Variants in MYH10 observed in about 807,000 individuals in gnomAD.
MYH10 encodes the protein myosin heavy chain 10.
Under a neutral mutation model 257.8 loss-of-function variants are expected in MYH10, and 55 were observed. That is an observed-to-expected ratio of 0.21 (90% CI 0.17 to 0.27). The LOEUF is 0.27. Ranked by LOEUF, MYH10 falls within the 10% of genes least tolerant of loss-of-function variation. The pLI is 1.00. For missense variants in MYH10, 1,631 were observed against 2,500.6 expected (o/e 0.65, Z 7.42); for synonymous variants, 854 against 921.7 (o/e 0.93, Z 1.33).
chr17:8,630,364 G>A (rs1366607450), intron 1 of MYH10, among the ~76,000 whole-genome samples: 1 of 138,314 alleles, frequency 7.2e-6, no homozygotes, highest in East Asian at 2.1e-4. Context: ...CCTGACCCCC[G>A]CGGGTTTCAC....
intron 6 of MYH10, among the ~76,000 whole-genome samples, chr17:8,571,223 G>A (rs1233865628): frequency 2.1e-5 from 3 of 141,672 alleles, no homozygotes; most frequent in Non-Finnish European, 4.5e-5. Flanking sequence ...CGCCCAGGCT[G>A]GAGTGCAGTG....
chr17:8,500,542 C>T (rs1475501874), intron 29 of MYH10, among the ~76,000 whole-genome samples: 5 of 152,144 alleles, frequency 3.3e-5, no homozygotes, highest in African/African-American at 9.7e-5. Flanking sequence ...TTGAGTGAAG[C>T]CACTGGGAGA....
At chr17:8,547,112 G>A (rs866142000) in intron 11 of MYH10, among the ~76,000 whole-genome samples, 2 of 152,070 alleles carry the variant, frequency 1.3e-5, no homozygotes, top group Non-Finnish European at 2.9e-5. Context: ...GTAGACAACC[G>A]ACGGGCATAG....
intron 42 of MYH10, 121 bp downstream of exon 42, chr17:8,476,755 G>A (rs1401552220): frequency 1.9e-5 from 21 of 1,103,326 alleles, no homozygotes; most frequent in African/African-American, 3.1e-5. Flanking sequence ...GAAGTGGTTC[G>A]GGAGAAAGAA....
In MYH10 at chr17:8,604,813, T is replaced by C. The variant is rs756599407; in HGVS notation, c.502+13A>G. On this transcript the variant is annotated intron_variant, in intron 3 of 42. Coordinates refer to ENST00000360416, the MANE Select transcript of MYH10 (RefSeq NM_001256012.3). ...AAATTCTGAGCATTTAGTATTCAAA[T>C]ATTTCCAATTACCTTGAAGCATGCA... 2 of 1,457,318 alleles carry C rather than the reference T, an allele frequency of 1.4e-6. No homozygotes were observed. The highest frequency in any genetic ancestry group is 3.3e-5 in the South Asian group (2 of 60,946). The allele number at this position is 1,457,318 out of a possible 1,614,324, so 90.3% of individuals were successfully genotyped here.
chr17:8,565,071 A>T (rs1192938416), intron 7 of MYH10, among the ~76,000 whole-genome samples: 1 of 152,148 alleles, frequency 6.6e-6, no homozygotes, highest in Non-Finnish European at 1.5e-5. Flanking sequence ...TTTAAGTTTA[A>T]CCAACTGGGT....
intron 36 of MYH10, among the ~76,000 whole-genome samples, chr17:8,486,719 C>T (rs1792965934): frequency 7.3e-6 from 1 of 136,086 alleles, no homozygotes; most frequent in Non-Finnish European, 1.6e-5. Flanking sequence ...TCAAACCGTC[C>T]TACACCATAT....
At chr17:8,628,223 T>A (rs1029810656) in intron 1 of MYH10, among the ~76,000 whole-genome samples, 2 of 152,170 alleles carry the variant, frequency 1.3e-5, no homozygotes, top group African/African-American at 4.8e-5. Flanking sequence ...TGAGGGTTAT[T>A]AGTGTCATTT....
At chr17:8,497,997 T>TTG (rs1270187132) in intron 30 of MYH10, among the ~76,000 whole-genome samples, 1 of 146,706 alleles carries the variant, frequency 6.8e-6, no homozygotes, top group Non-Finnish European at 1.5e-5. Flanking sequence ...TTTTTTTTTT[T>TTG]TTGAGACAGA....
Position 8,477,164 on chromosome 17 carries a change from T to G in MYH10, c.5707-116A>C. ...CCTGTTACCCTTGTGAGCACGCGTG[T>G]ACACGGATGTACACGCGTGCCTGGG... On this transcript the variant is annotated intron_variant, in intron 41 of 42. Coordinates refer to ENST00000360416, the MANE Select transcript of MYH10 (RefSeq NM_001256012.3). This position sits in a 1 kb window ranked among gnomAD's most constrained non-coding sequence, Gnocchi z 4.2. 1 of 1,054,502 alleles carries G rather than the reference T, an allele frequency of 9.5e-7. No homozygotes were observed. Among genetic ancestry groups the G allele is most frequent in the Non-Finnish European group, 1.4e-6 (1 of 736,440 alleles). 65.3% of individuals were successfully genotyped at this position (1,054,502 alleles called of 1,614,324 possible).
At chr17:8,526,828 T>C (rs2081862870) in intron 17 of MYH10, among the ~76,000 whole-genome samples, 1 of 152,194 alleles carries the variant, frequency 6.6e-6, no homozygotes, top group Non-Finnish European at 1.5e-5. Flanking sequence ...AAATTTACTT[T>C]CAAGTATTTA....
Position 8,492,478 on chromosome 17 carries a change from C to T in MYH10, c.4490G>A (p.Arg1497His), listed in dbSNP as rs1316635911. 7.4e-6 allele frequency: 12 copies of T among 1,612,058 alleles called. No homozygotes were observed. The highest frequency in any genetic ancestry group is 2.2e-5 in the East Asian group (1 of 44,886). Reference protein sequence around the residue: ...LLAEEKSISARYAEERDRAEA... With the variant: ...LLAEEKSISAHYAEERDRAEA... Reference sequence around the variant, plus strand: ...GGCCCGGTCCCGCTCTTCGGCATAGCGAGCAGAGATGCTCTTCTCTTCTGC... The same window carrying T: ...GGCCCGGTCCCGCTCTTCGGCATAGTGAGCAGAGATGCTCTTCTCTTCTGC... Residue 1497 changes from arginine (R) to histidine (H), a missense_variant, in exon 34 of 43, where the codon CGC (arginine) becomes CAC (histidine). This residue lies in a region of MYH10 where 463 missense variants were observed against 621.8 expected (regional missense o/e 0.74). Transcript: ENST00000360416.
chr17:8,531,456 A>C (rs985444600), intron 16 of MYH10, among the ~76,000 whole-genome samples: 2 of 152,148 alleles, frequency 1.3e-5, no homozygotes, highest in Non-Finnish European at 2.9e-5. Flanking sequence ...GGGCATTATA[A>C]ATCTCTAGGG....
chr17:8,615,398 C>A (rs1488511968), intron 2 of MYH10, among the ~76,000 whole-genome samples: 1 of 152,124 alleles, frequency 6.6e-6, no homozygotes, highest in Non-Finnish European at 1.5e-5. Context: ...TCAATCCTAG[C>A]CAAACTCTTC....
At chr17:8,546,419 G>A (rs1871963845) in intron 12 of MYH10, 125 bp downstream of exon 12, 2 of 687,288 alleles carry the variant, frequency 2.9e-6, no homozygotes, top group Non-Finnish European at 4.7e-6. Context: ...AACTCATTTA[G>A]TACCTAAAAA....
chr17:8,510,829 C>T (rs2081243809), intron 24 of MYH10, among the ~76,000 whole-genome samples: 1 of 152,002 alleles, frequency 6.6e-6, no homozygotes, highest in Admixed American at 6.5e-5. Flanking sequence ...ACAGCAGAAG[C>T]ACCTCATCAA....
chr17:8,487,159 C>T (rs945646404), intron 36 of MYH10, among the ~76,000 whole-genome samples: 9 of 152,196 alleles, frequency 5.9e-5, no homozygotes, highest in African/African-American at 2.2e-4. Flanking sequence ...ACCCTCCTCT[C>T]GAGGTGAGGA....
intron 21 of MYH10, among the ~76,000 whole-genome samples, chr17:8,515,803 A>G (rs913864078): frequency 2.0e-5 from 3 of 151,942 alleles, no homozygotes; most frequent in Non-Finnish European, 4.4e-5. Context: ...CTCGGCCTCC[A>G]CAAGTGCTGG....
intron 37 of MYH10, 48 bp downstream of exon 37, chr17:8,484,090 T>TCTC: frequency 6.8e-7 from 1 of 1,477,064 alleles, no homozygotes; most frequent in Non-Finnish European, 9.0e-7. Context: ...TGGAGAAATT[T>TCTC]CAAGGGCAAA....
Sources: allele counts gnomAD v4.1 joint callset (sites outside exome capture counted in the v4.1 genomes callset), GRCh38; gene constraint gnomAD v4.1.1; regional missense constraint gnomAD v4.1.1; non-coding constraint Gnocchi (gnomAD v3.1); transcripts MANE v1.5; gene names NCBI Gene and HGNC (gene_info 2026-07-23, HGNC 2026-07-21).